ESRRG: variants seen among roughly 807,000 people sequenced by gnomAD.
The protein encoded by ESRRG is estrogen-related receptor gamma.
In ESRRG, 13 loss-of-function variants were observed where a neutral mutation model predicts 44.0. That is an observed-to-expected ratio of 0.30 (90% CI 0.19 to 0.47). ESRRG has a LOEUF of 0.47. ESRRG is among the 20% of genes least tolerant of loss of function. The pLI is 1.00. For missense variants in ESRRG, 395 were observed against 580.6 expected (o/e 0.68, Z 3.29); for synonymous variants, 215 against 214.6 (o/e 1.00, Z -0.02).
chr1:216,763,008 T>C (rs2092879994), intron 2 of ESRRG, among the ~76,000 whole-genome samples: 1 of 152,068 alleles, frequency 6.6e-6, no homozygotes, highest in Admixed American at 6.6e-5. Flanking sequence ...CTAACTCCTA[T>C]AGAAATTTTC....
chr1:216,533,262 T>C (rs2049933243), intron 5 of ESRRG, among the ~76,000 whole-genome samples: 2 of 151,472 alleles, frequency 1.3e-5, no homozygotes, highest in Admixed American at 1.3e-4. Flanking sequence ...GGTGTGAAGA[T>C]GAGATGAAAA....
Position 216,504,058 on chromosome 1 carries a change from C to T in ESRRG, c.*2881G>A, listed in dbSNP as rs2040802475. The T allele has an allele frequency of 5.9e-5, 9 of 152,474 alleles. No homozygotes were observed. Among genetic ancestry groups the T allele is most frequent in the Admixed American group, 5.9e-4 (9 of 15,254 alleles). The allele number at this position is 152,474 out of a possible 1,614,324, so 9.4% of individuals were successfully genotyped here. A position where few individuals can be genotyped will look rare whatever the true frequency, so the allele number is the denominator to read the frequency against. On this transcript the variant is annotated 3_prime_UTR_variant, in exon 7 of 7. Transcript: ENST00000408911. ...GTGAGATACTTACTCTTTTGTAATG[C>T]TGAGAGTTACTTAAACTGAAAACTA...
intron 2 of ESRRG, among the ~76,000 whole-genome samples, chr1:216,795,303 T>G (rs1429139033): frequency 6.6e-6 from 1 of 151,610 alleles, no homozygotes; most frequent in Non-Finnish European, 1.5e-5. Flanking sequence ...TACATTAAAT[T>G]TTATTTTACT....
chr1:216,734,851 T>A (rs935021475), intron 2 of ESRRG, among the ~76,000 whole-genome samples: 1 of 151,046 alleles, frequency 6.6e-6, no homozygotes, highest in Admixed American at 6.6e-5. Flanking sequence ...ATTTCCCCCC[T>A]CTACCCTGTA....
intron 1 of ESRRG, among the ~76,000 whole-genome samples, chr1:217,073,976 G>A (rs2090934556): frequency 6.6e-6 from 1 of 151,298 alleles, no homozygotes; most frequent in Non-Finnish European, 1.5e-5. Context: ...CATTATTACT[G>A]CTTTTTAGTA....
At chr1:217,056,175 T>C (rs2087043261) in intron 1 of ESRRG, among the ~76,000 whole-genome samples, 1 of 152,148 alleles carries the variant, frequency 6.6e-6, no homozygotes, top group Non-Finnish European at 1.5e-5. Context: ...CCTGAATAAC[T>C]ACTTGGAGCA....
intron 2 of ESRRG, among the ~76,000 whole-genome samples, chr1:216,667,238 C>T (rs1344579472): frequency 1.3e-5 from 2 of 152,088 alleles, no homozygotes; most frequent in East Asian, 1.9e-4. Flanking sequence ...AGAGTACATG[C>T]TTTGATTAAG....
intron 2 of ESRRG, among the ~76,000 whole-genome samples, chr1:216,873,001 C>A (rs563851635): frequency 6.6e-6 from 1 of 152,078 alleles, no homozygotes; most frequent in Non-Finnish European, 1.5e-5. Context: ...TCCAACTGAC[C>A]TTCTCATGGC....
intron 6 of ESRRG, among the ~76,000 whole-genome samples, chr1:216,515,217 A>G (rs982571891): frequency 6.6e-6 from 1 of 151,994 alleles, no homozygotes; most frequent in Non-Finnish European, 1.5e-5. Flanking sequence ...TTTAGGTAAA[A>G]TGCGTATATA....
At chr1:216,954,307 T>G (rs1377079277) in intron 1 of ESRRG, among the ~76,000 whole-genome samples, 2 of 152,144 alleles carry the variant, frequency 1.3e-5, no homozygotes, top group East Asian at 1.9e-4. Flanking sequence ...ACTGAAGAAG[T>G]CTTCACACCT....
chr1:216,649,505 T>C (rs1012649896), intron 3 of ESRRG, among the ~76,000 whole-genome samples: 5 of 145,268 alleles, frequency 3.4e-5, no homozygotes, highest in African/African-American at 4.9e-5. Context: ...CATATATATA[T>C]ACATATACAC....
At chr1:217,135,896 C>G (rs1040493524) in intron 1 of ESRRG, among the ~76,000 whole-genome samples, 1 of 152,158 alleles carries the variant, frequency 6.6e-6, no homozygotes, top group South Asian at 2.1e-4. Context: ...GAGGAGCAGG[C>G]GTGCATTTTG....
At chr1:216,597,882 C>T (rs939995026) in intron 3 of ESRRG, among the ~76,000 whole-genome samples, 2 of 152,132 alleles carry the variant, frequency 1.3e-5, no homozygotes, top group East Asian at 1.9e-4. Context: ...TGATCATACT[C>T]GTATTTTAGA....
chr1:216,818,843 T>A (rs2095223624), intron 2 of ESRRG, among the ~76,000 whole-genome samples: 1 of 152,126 alleles, frequency 6.6e-6, no homozygotes, highest in Admixed American at 6.6e-5. Context: ...CAGCTCCCAC[T>A]TATAAGTGAG....
chr1:217,037,617 C>A (rs1020204652), intron 1 of ESRRG, among the ~76,000 whole-genome samples: 2 of 152,032 alleles, frequency 1.3e-5, no homozygotes, highest in Non-Finnish European at 2.9e-5. Flanking sequence ...CACCCCAGCC[C>A]CTCCCAAATC....
intron 1 of ESRRG, among the ~76,000 whole-genome samples, chr1:216,941,332 G>T (rs1238817263): frequency 1.3e-5 from 2 of 152,060 alleles, no homozygotes; most frequent in Non-Finnish European, 2.9e-5. Context: ...AATCCTTCAG[G>T]TGCTGATTTC....
intron 2 of ESRRG, among the ~76,000 whole-genome samples, chr1:216,873,946 G>GGGAA (rs1281612993): frequency 9.9e-6 from 1 of 100,920 alleles, no homozygotes. Flanking sequence ...GGGAAGGGAA[G>GGGAA]GGGAGTGGGG....
intron 1 of ESRRG, among the ~76,000 whole-genome samples, chr1:217,081,722 G>A (rs912428716): frequency 6.6e-6 from 1 of 152,094 alleles, no homozygotes; most frequent in African/African-American, 2.4e-5. Flanking sequence ...GGGATTACAG[G>A]TGTAAGCCAC....
At chr1:217,135,527 C>CGCGGCG (rs935042174) in intron 1 of ESRRG, among the ~76,000 whole-genome samples, 1 of 151,266 alleles carries the variant, frequency 6.6e-6, no homozygotes, top group Non-Finnish European at 1.5e-5. Context: ...GGGGCGCGCG[C>CGCGGCG]GCGGCGGCGG....
Sources: gnomAD v4.1 joint callset for allele counts (sites outside exome capture counted in the v4.1 genomes callset) on GRCh38, gnomAD v4.1.1 for gene constraint, MANE v1.5 for transcripts, NCBI Gene and HGNC (gene_info 2026-07-23, HGNC 2026-07-21) for gene names.